WDR62: variants seen among roughly 807,000 people sequenced by gnomAD.
The protein encoded by WDR62 is WD repeat-containing protein 62.
Under a neutral mutation model 160.6 loss-of-function variants are expected in WDR62, and 112 were observed. The ratio of observed to expected loss-of-function variants is 0.70; its 90% CI spans 0.60 to 0.82. WDR62 has a LOEUF of 0.82. Among genes scored for constraint, WDR62 ranks in the 40% least tolerant of loss-of-function variants. WDR62 has a pLI of 0.00. For synonymous variants in WDR62, 792 were observed against 815.1 expected (o/e 0.97, Z 0.48); for missense variants, 1,819 against 1,983.8 (o/e 0.92, Z 1.58).
At chr19:36,058,903 T>C (rs1853644373) in intron 2 of WDR62, 32 bp downstream of exon 2, 7 of 1,572,542 alleles carry the variant, frequency 4.5e-6, no homozygotes, top group South Asian at 1.1e-5. Context: ...CGTCTAATCA[T>C]TGCTAGGGAA....
intron 9 of WDR62, among the ~76,000 whole-genome samples, chr19:36,076,617 G>T (rs1971584296): frequency 2.0e-5 from 3 of 151,572 alleles, no homozygotes; most frequent in Admixed American, 6.6e-5. Flanking sequence ...AGTACAAATT[G>T]GGACTTCAGA....
chr19:36,098,000 G>T (rs1973079111), intron 21 of WDR62, among the ~76,000 whole-genome samples: 1 of 152,200 alleles, frequency 6.6e-6, no homozygotes, highest in South Asian at 2.1e-4. Flanking sequence ...AGTGAGACAG[G>T]CAGATACTGG....
chr19:36,099,665 G>A (rs368263262), intron 22 of WDR62, 48 bp downstream of exon 22: 27 of 1,593,602 alleles, frequency 1.7e-5, no homozygotes, highest in Non-Finnish European at 2.2e-5. Context: ...CACCGTGACG[G>A]CCCCAGGGCC....
chr19:36,067,111 C>T (rs1165146318), intron 5 of WDR62, among the ~76,000 whole-genome samples, 195 bp from the exon 6 acceptor site: 1 of 152,220 alleles, frequency 6.6e-6, no homozygotes, highest in Non-Finnish European at 1.5e-5. Context: ...CATTCCAAGC[C>T]TCTGTCCCTT....
chr19:36,104,097 G>T, intron 30 of WDR62, 116 bp downstream of exon 30: 2 of 1,324,564 alleles, frequency 1.5e-6, no homozygotes, highest in Non-Finnish European at 2.1e-6. Flanking sequence ...TCATTCATTC[G>T]TGCATTAACT....
At chr19:36,091,340 T>TGGCCCCCCC in intron 17 of WDR62, 29 bp downstream of exon 17, 1 of 1,579,194 alleles carries the variant, frequency 6.3e-7, no homozygotes, top group Non-Finnish European at 8.7e-7. Context: ...TTGGGATGCC[T>TGGCCCCCCC]CCCCACCCGC....
At chr19:36,095,495 A>G (rs1972902256) in intron 20 of WDR62, among the ~76,000 whole-genome samples, 1 of 152,206 alleles carries the variant, frequency 6.6e-6, no homozygotes, top group South Asian at 2.1e-4. Context: ...CTGACCAGGC[A>G]TCAAAGATGT....
chr19:36,101,070 G>C lies in WDR62; in HGVS notation c.2868-144G>C, dbSNP rs894711801. The C allele has an allele frequency of 5.1e-5, 59 of 1,157,656 alleles. No homozygotes were observed. In the East Asian group the frequency reaches 1.4e-3, roughly 27 times the overall value. The allele number at this position is 1,157,656 out of a possible 1,614,324, so 71.7% of individuals were successfully genotyped here. The stretch of plus-strand genomic sequence containing the variant: ...AGGAGGGCCTGACCTGGGGGAAGGA[G>C]GGGGCATTTGGAGGAGGCGGGGAGG... On this transcript the variant is annotated intron_variant, in intron 23 of 31. Transcript: ENST00000401500.
chr19:36,077,471 G>A lies in WDR62; in HGVS notation c.1233+3940G>A, dbSNP rs1191350245. Among the ~76,000 whole-genome samples the A allele has an allele frequency of 3.3e-5, 5 of 151,792 alleles. No individual in the cohort carries two copies. The South Asian group carries it at 6.2e-4, about 19-fold the overall frequency. ...AATTTTTTGTATTTTTAGTAGAGAC[G>A]AGGTTTCACCATGTTAGCCAGGATG... On this transcript the variant is annotated intron_variant, in intron 9 of 31. Coordinates refer to ENST00000401500, the MANE Select transcript of WDR62 (RefSeq NM_001083961.2).
rs1428509740 is a variant in WDR62, at chr19:36,101,216, A to G, written c.2870A>G (p.Gln957Arg). The change falls in exon 24 of 32, where the codon CAG (glutamine) becomes CGG (arginine). Residue 957 changes from glutamine (Q) to arginine (R), a missense_variant and splice_region_variant. This residue lies in a region of WDR62 where 934 missense variants were observed against 1,157.2 expected (regional missense o/e 0.81). Coordinates refer to ENST00000401500, the MANE Select transcript of WDR62 (RefSeq NM_001083961.2). ...AEVTVTGTDS[Q>R]YCRKEVEAGP... ...CTCTGCCCCCACTGGCACTGCAGCC[A>G]GTATTGCAGGAAGGAGGTGGAGGCC... 1 of 1,611,990 alleles carries G rather than the reference A, an allele frequency of 6.2e-7. No homozygotes were observed. Among genetic ancestry groups the G allele is most frequent in the Non-Finnish European group, 8.5e-7 (1 of 1,179,366 alleles).
intron 3 of WDR62, 127 bp from the exon 4 acceptor site, chr19:36,065,831 C>T: frequency 1.1e-6 from 1 of 907,064 alleles, no homozygotes; most frequent in Non-Finnish European, 1.9e-6. Context: ...TGCTTGAGCT[C>T]ACCTCTGCTG....
chr19:36,071,512 C>A (rs778317242), intron 7 of WDR62, 44 bp from the exon 8 acceptor site: 1 of 1,613,798 alleles, frequency 6.2e-7, no homozygotes, highest in Non-Finnish European at 8.5e-7. Flanking sequence ...CGGGCCAGGC[C>A]ACGTGAAGCA....
intron 3 of WDR62, among the ~76,000 whole-genome samples, chr19:36,063,627 C>T (rs1218216179): frequency 2.0e-5 from 3 of 152,168 alleles, no homozygotes; most frequent in Non-Finnish European, 4.4e-5. Context: ...TGCCTCCTCA[C>T]GGGCAGACTC....
rs774735502 is a variant in WDR62 at position 36,103,355 on chromosome 19, C to T, written c.3527C>T (p.Thr1176Met). The change falls in exon 30 of 32, where the codon ACG (threonine) becomes ATG (methionine). Residue 1176 changes from threonine (T) to methionine (M), a missense_variant. Physicochemically the swap from Thr to Met is moderately conservative, Grantham distance 81. Coordinates refer to ENST00000401500, the MANE Select transcript of WDR62 (RefSeq NM_001083961.2). ...GCTTCCGTTACAGCTCCCTGCCTTA[C>T]GAGCCTGGCGTCCTGTGTCCCTGCT... Reference protein sequence around the residue: ...EAWRPPPPCLTSLASCVPASS... With the variant: ...EAWRPPPPCLMSLASCVPASS... The T allele has an allele frequency of 5.6e-6, 9 of 1,613,930 alleles. No homozygotes were observed. Among genetic ancestry groups the T allele is most frequent in the South Asian group, 1.1e-5 (1 of 91,092 alleles).
At chr19:36,097,638 C>T (rs370005718) in intron 21 of WDR62, among the ~76,000 whole-genome samples, 6 of 152,240 alleles carry the variant, frequency 3.9e-5, no homozygotes, top group African/African-American at 1.4e-4. Flanking sequence ...GATCCCAGCA[C>T]TTTGGGAGGC....
intron 9 of WDR62, among the ~76,000 whole-genome samples, chr19:36,076,697 C>T (rs911167774): frequency 6.7e-6 from 1 of 149,236 alleles, no homozygotes; most frequent in Non-Finnish European, 1.5e-5. Flanking sequence ...TTCTTAAGGA[C>T]ACAGGGGATG....
chr19:36,086,685 A>G lies in WDR62; in HGVS notation c.1643-2A>G. ...AACCAGTCTCATTCTCTCCTCTCAC[A>G]GGGCTGACCTTGCTGGCCTCAGCCA... On this transcript the variant is annotated splice_acceptor_variant, in intron 12 of 31. Coordinates refer to ENST00000401500, the MANE Select transcript of WDR62 (RefSeq NM_001083961.2). LOFTEE classifies it high-confidence loss of function. The G allele has an allele frequency of 6.3e-7, 1 of 1,599,100 alleles. No individual in the cohort carries two copies. Among genetic ancestry groups the G allele is most frequent in the Non-Finnish European group, 8.5e-7 (1 of 1,172,020 alleles).
intron 15 of WDR62, 93 bp from the exon 16 acceptor site, chr19:36,090,352 G>A (rs999274456): frequency 2.6e-6 from 3 of 1,174,224 alleles, no homozygotes; most frequent in Non-Finnish European, 3.8e-6. Context: ...GTAGCAGGGG[G>A]CTTCCAGGGG....
chr19:36,094,583 T>C lies in WDR62; in HGVS notation c.2467+419T>C, dbSNP rs558908808. ...ATAATAATAATAATAATAATATAAATAAAATAAATAAAATTCAGTAATCAG... is the reference window on the plus strand; with the variant it reads ...ATAATAATAATAATAATAATATAAACAAAATAAATAAAATTCAGTAATCAG... On this transcript the variant is annotated intron_variant, in intron 20 of 31. Transcript: ENST00000401500. Among the ~76,000 whole-genome samples, 8 of 149,244 alleles carry C rather than the reference T, an allele frequency of 5.4e-5. No homozygotes were observed. In the East Asian group the frequency reaches 1.4e-3, roughly 25 times the overall value.
Sources: gnomAD v4.1 joint callset for allele counts (sites outside exome capture counted in the v4.1 genomes callset) on GRCh38, gnomAD v4.1.1 for gene constraint, gnomAD v4.1.1 regional missense constraint, MANE v1.5 for transcripts, NCBI Gene and HGNC (gene_info 2026-07-23, HGNC 2026-07-21) for gene names.